Variants in SNTB1 observed in about 807,000 individuals in gnomAD.
SNTB1 encodes the protein syntrophin beta 1, also known as beta-1-syntrophin.
SNTB1 carries 36 observed loss-of-function variants against 48.9 expected under a neutral mutation model. The ratio of observed to expected loss-of-function variants is 0.74; its 90% CI spans 0.56 to 0.97. The LOEUF is 0.97. Ranked by LOEUF, SNTB1 falls within the 50% of genes least tolerant of loss-of-function variation. The probability of loss-of-function intolerance (pLI) is 0.00; values close to 1 mark genes in which losing one functional copy is unlikely to be tolerated. For synonymous variants in SNTB1, 299 were observed against 294.6 expected (o/e 1.01, Z -0.15); for missense variants, 786 against 703.4 (o/e 1.12, Z -1.33).
At chr8:120,628,292 C>A (rs750349102) in intron 3 of SNTB1, among the ~76,000 whole-genome samples, 38 of 152,152 alleles carry the variant, frequency 2.5e-4, no homozygotes, top group Non-Finnish European at 4.9e-4. Flanking sequence ...AGAGCTAGAA[C>A]TTAGCTTGTT....
intron 1 of SNTB1, among the ~76,000 whole-genome samples, chr8:120,802,955 A>G (rs1820254684): frequency 6.6e-6 from 1 of 152,106 alleles, no homozygotes; most frequent in Non-Finnish European, 1.5e-5. Flanking sequence ...GACGGAGTAA[A>G]TCTAACACCC....
chr8:120,808,193 G>A (rs945642821), intron 1 of SNTB1, among the ~76,000 whole-genome samples: 2 of 152,150 alleles, frequency 1.3e-5, no homozygotes, highest in Admixed American at 1.3e-4. Context: ...GATTATAGGC[G>A]TGAGCTACCG....
chr8:120,606,755 A>G (rs1816527504), intron 3 of SNTB1, among the ~76,000 whole-genome samples: 1 of 152,204 alleles, frequency 6.6e-6, no homozygotes, highest in Admixed American at 6.5e-5. Context: ...TTTAAATTCT[A>G]AAGACCTATA....
chr8:120,793,340 T>A (rs1820069597), intron 1 of SNTB1, among the ~76,000 whole-genome samples: 1 of 152,084 alleles, frequency 6.6e-6, no homozygotes, highest in African/African-American at 2.4e-5. Context: ...AAAGGCACAG[T>A]GATGAAGAAA....
intron 2 of SNTB1, among the ~76,000 whole-genome samples, chr8:120,668,601 G>GA (rs1817711423): frequency 6.6e-6 from 1 of 152,146 alleles, no homozygotes; most frequent in South Asian, 2.1e-4. Flanking sequence ...CTGTAAACAG[G>GA]AATCAGTCCC....
At position 120,693,901 on chromosome 8, in the gene SNTB1, G is replaced by A; in HGVS notation, c.579C>T (p.Tyr193=). The A allele has an allele frequency of 6.2e-7, 1 of 1,613,140 alleles. No homozygotes were observed. Among genetic ancestry groups the A allele is most frequent in the Non-Finnish European group, 8.5e-7 (1 of 1,179,252 alleles). ...TCACATAGGGCGTGGCTTCTCGCATGTACTTCACTGCAAGGAAAAAGACAA... is the reference window on the plus strand; with the variant it reads ...TCACATAGGGCGTGGCTTCTCGCATATACTTCACTGCAAGGAAAAAGACAA... ...AGKEVLLEVK[Y]MREATPYVKK... is the part of the protein sequence containing the mutation. The change falls in exon 2 of 7, where the codon TAC becomes TAT. Residue 193 remains tyrosine (Y), a synonymous_variant. Coordinates refer to ENST00000517992, the MANE Select transcript of SNTB1 (RefSeq NM_021021.4).
At chr8:120,734,837 G>A (rs1818915932) in intron 1 of SNTB1, among the ~76,000 whole-genome samples, 1 of 152,208 alleles carries the variant, frequency 6.6e-6, no homozygotes, top group African/African-American at 2.4e-5. Context: ...AGAGGAAAAA[G>A]AGCCCTCCGG....
At chr8:120,615,413 A>C (rs1816697317) in intron 3 of SNTB1, among the ~76,000 whole-genome samples, 1 of 152,202 alleles carries the variant, frequency 6.6e-6, no homozygotes, top group Non-Finnish European at 1.5e-5. Flanking sequence ...TCAGCTCAAC[A>C]GCACACACTG....
intron 4 of SNTB1, among the ~76,000 whole-genome samples, chr8:120,558,828 G>C (rs1051852630): frequency 6.6e-6 from 1 of 152,182 alleles, no homozygotes; most frequent in African/African-American, 2.4e-5. Flanking sequence ...GTTTGGCACA[G>C]AATACATAGT....
In SNTB1 at chr8:120,755,824, C is replaced by T. The variant is rs184806662; in HGVS notation, c.571+55449G>A. On this transcript the variant is annotated intron_variant, in intron 1 of 6. Transcript: ENST00000517992. ...TTTACAGACATAACTTCATTTAATT[C>T]TCCCAACAACCAATAACTGGAAGAA... Among the ~76,000 whole-genome samples the T allele has an allele frequency of 9.3e-4, 142 of 152,230 alleles. 1 individual carries two copies. The East Asian group carries it at 0.011, about 12-fold the overall frequency.
chr8:120,811,767 A>G lies in SNTB1; in HGVS notation c.77T>C (p.Leu26Pro), dbSNP rs1425945362. 1.3e-6 allele frequency: 2 copies of G among 1,529,588 alleles called. No homozygotes were observed. Among genetic ancestry groups the G allele is most frequent in the East Asian group, 2.7e-5 (1 of 37,390 alleles). 94.8% of individuals were successfully genotyped at this position (1,529,588 alleles called of 1,614,324 possible). ...CCAGCGATCCCGCACCAAAACTTCC[A>G]GCAGCCCGCTCCGCTGCGCCCGGCC... is the stretch of plus-strand genomic sequence containing the variant. ...GGGRAQRSGL[L>P]EVLVRDRWHK... Residue 26 changes from leucine to proline, a missense_variant, in exon 1 of 7, where the codon CTG becomes CCG. By Grantham distance (98) the Leu-to-Pro change is moderately conservative. Transcript: ENST00000517992.
chr8:120,635,913 T>G (rs1040495528), intron 2 of SNTB1: 4 of 447,576 alleles, frequency 8.9e-6, no homozygotes, highest in South Asian at 6.6e-5. Context: ...AAATTCTTTA[T>G]TTCCTTTTTG....
At chr8:120,748,182 G>C (rs1424603057) in intron 1 of SNTB1, among the ~76,000 whole-genome samples, 1 of 152,112 alleles carries the variant, frequency 6.6e-6, no homozygotes, top group Non-Finnish European at 1.5e-5. Context: ...ACTCAAATAA[G>C]CTCTGTTGTG....
chr8:120,793,172 GC>G (rs1820065194), intron 1 of SNTB1, among the ~76,000 whole-genome samples: 1 of 151,992 alleles, frequency 6.6e-6, no homozygotes, highest in South Asian at 2.1e-4. Flanking sequence ...GCAATACCTT[GC>G]TGGGTGTGGA....
intron 3 of SNTB1, among the ~76,000 whole-genome samples, chr8:120,606,075 G>GT (rs1297214379): frequency 1.2e-4 from 18 of 151,822 alleles, no homozygotes; most frequent in Admixed American, 1.2e-3. Context: ...CACCAACTGT[G>GT]TAAGTATAAA....
chr8:120,615,041 C>T (rs950186996), intron 3 of SNTB1, among the ~76,000 whole-genome samples: 1 of 149,866 alleles, frequency 6.7e-6, no homozygotes, highest in Non-Finnish European at 1.5e-5. Context: ...GTCCCAGCTA[C>T]TCAGGAGGCT....
At chr8:120,788,575 G>A (rs1819965998) in intron 1 of SNTB1, among the ~76,000 whole-genome samples, 2 of 152,048 alleles carry the variant, frequency 1.3e-5, no homozygotes, top group Non-Finnish European at 2.9e-5. Context: ...CCAAAATCAA[G>A]CAGTAGTAAC....
chr8:120,728,630 G>A (rs1818800365), intron 1 of SNTB1, among the ~76,000 whole-genome samples: 1 of 152,182 alleles, frequency 6.6e-6, no homozygotes. Flanking sequence ...TTAGGATAAT[G>A]GCCTCTGGCT....
chr8:120,693,650 G>T (rs370853418), intron 2 of SNTB1, 42 bp downstream of exon 2: 3 of 1,563,722 alleles, frequency 1.9e-6, no homozygotes, highest in South Asian at 2.2e-5. Flanking sequence ...CTGAGAGGCC[G>T]AGGAGCTGCT....
Sources: allele counts gnomAD v4.1 joint callset (sites outside exome capture counted in the v4.1 genomes callset), GRCh38; gene constraint gnomAD v4.1.1; transcripts MANE v1.5; gene names NCBI Gene and HGNC (gene_info 2026-07-23, HGNC 2026-07-21).